The following MAMDC2 variants were observed in gnomAD, a reference collection of about 807,000 sequenced individuals.
MAMDC2 encodes MAM domain containing 2.
MAMDC2 carries 57 observed loss-of-function variants against 89.8 expected under a neutral mutation model. The observed-to-expected ratio is 0.63, with a 90% confidence interval of 0.51 to 0.79. The LOEUF is 0.79. Among genes scored for constraint, MAMDC2 ranks in the 30% least tolerant of loss-of-function variants. The probability of loss-of-function intolerance (pLI) is 0.00; values close to 1 mark genes in which losing one functional copy is unlikely to be tolerated. For synonymous variants in MAMDC2, 313 were observed against 293.4 expected (o/e 1.07, Z -0.68); for missense variants, 800 against 820.6 (o/e 0.97, Z 0.31).
chr9:70,150,262 A>G (rs2031542537), intron 9 of MAMDC2, among the ~76,000 whole-genome samples: 1 of 152,154 alleles, frequency 6.6e-6, no homozygotes, highest in African/African-American at 2.4e-5. Context: ...GTCACAGAGC[A>G]CCCAAATAAG....
chr9:70,080,160 C>T (rs967246396), intron 2 of MAMDC2, among the ~76,000 whole-genome samples: 3 of 152,158 alleles, frequency 2.0e-5, no homozygotes, highest in Admixed American at 2.0e-4. Context: ...GGATAAATGA[C>T]TAATTAATAG....
chr9:70,112,734 A>C (rs1348321539), intron 4 of MAMDC2, among the ~76,000 whole-genome samples: 1 of 152,188 alleles, frequency 6.6e-6, no homozygotes, highest in Admixed American at 6.5e-5. Flanking sequence ...GGCTACAAAA[A>C]GTGGTAAGTC....
chr9:70,226,198 CT>C lies in MAMDC2; in HGVS notation c.*173del, dbSNP rs746951372. The C allele has an allele frequency of 6.7e-6, 3 of 448,212 alleles. No homozygotes were observed. The highest frequency in any genetic ancestry group is 8.0e-6 in the Non-Finnish European group (2 of 249,050). 27.8% of individuals were successfully genotyped at this position (448,212 alleles called of 1,614,324 possible). A position where few individuals can be genotyped will look rare whatever the true frequency, so the allele number is the denominator to read the frequency against. On this transcript the variant is annotated 3_prime_UTR_variant, in exon 14 of 14. Coordinates refer to ENST00000377182, the MANE Select transcript of MAMDC2 (RefSeq NM_153267.5). Reference sequence around the variant, plus strand: ...TGCAAAAACATACTGACTCAGGGCTCTTTTTTTCTTTTTGCATATGACAACT... The same window carrying C: ...TGCAAAAACATACTGACTCAGGGCTCTTTTTTCTTTTTGCATATGACAACT...
chr9:70,212,427 C>T (rs1355195624), intron 11 of MAMDC2, among the ~76,000 whole-genome samples: 2 of 152,264 alleles, frequency 1.3e-5, no homozygotes, highest in Admixed American at 6.5e-5. Context: ...CCCTCTGAGC[C>T]AGGCACGGGA....
intron 6 of MAMDC2, among the ~76,000 whole-genome samples, chr9:70,129,507 G>C (rs2030703860): frequency 6.6e-6 from 1 of 152,130 alleles, no homozygotes; most frequent in Non-Finnish European, 1.5e-5. Flanking sequence ...TAGCTAATAA[G>C]TGATGAAAAT....
chr9:70,149,045 A>AATT (rs1554675839), intron 9 of MAMDC2, among the ~76,000 whole-genome samples: 1 of 95,830 alleles, frequency 1.0e-5, no homozygotes, highest in African/African-American at 4.1e-5. Context: ...AAAAAAAAAA[A>AATT]TTTTTTTTTT....
At chr9:70,044,291 C>T in intron 1 of MAMDC2, 60 bp downstream of exon 1, 1 of 1,567,510 alleles carries the variant, frequency 6.4e-7, no homozygotes, top group Non-Finnish European at 8.7e-7. Context: ...CCCGCTCCTG[C>T]TGCCCCCGGG....
chr9:70,215,899 ATAGAACTTCTC>A (rs2033437326), intron 11 of MAMDC2, among the ~76,000 whole-genome samples: 1 of 152,202 alleles, frequency 6.6e-6, no homozygotes, highest in African/African-American at 2.4e-5. Flanking sequence ...TAATAAACTT[ATAGAACTTCTC>A]AGATTTGTGT....
chr9:70,143,600 C>T lies in MAMDC2; in HGVS notation c.1185C>T (p.Tyr395=), dbSNP rs749347747. The T allele has an allele frequency of 1.9e-6, 3 of 1,614,042 alleles. No homozygotes were observed. The highest frequency in any genetic ancestry group is 2.7e-5 in the African/African-American group (2 of 74,922). ...ANTKFTSQPG[Y]IGRLYGPSLP... is the part of the protein sequence containing the mutation. ...CAAAGTTCACATCTCAGCCTGGCTA[C>T]ATTGGAAGGCTCTATGGGCCCTCCC... The change falls in exon 9 of 14, where the codon TAC becomes TAT. Residue 395 remains tyrosine, a synonymous_variant. Transcript: ENST00000377182.
At chr9:70,064,566 G>GGT (rs142468376) in intron 2 of MAMDC2, among the ~76,000 whole-genome samples, 2 of 151,978 alleles carry the variant, frequency 1.3e-5, no homozygotes, top group Non-Finnish European at 2.9e-5. Context: ...AAAGAGAAGG[G>GGT]GTGTGTGTGT....
chr9:70,082,339 C>T (rs1049846406), intron 2 of MAMDC2, among the ~76,000 whole-genome samples: 7 of 152,088 alleles, frequency 4.6e-5, no homozygotes, highest in African/African-American at 1.7e-4. Flanking sequence ...ATGTAAGCTA[C>T]AGAAATCTCT....
At chr9:70,061,977 C>G (rs976372164) in intron 2 of MAMDC2, among the ~76,000 whole-genome samples, 1 of 152,146 alleles carries the variant, frequency 6.6e-6, no homozygotes, top group Non-Finnish European at 1.5e-5. Flanking sequence ...TGGGATTCAG[C>G]TGTAATGGGA....
chr9:70,199,878 G>A (rs1371957404), intron 11 of MAMDC2, among the ~76,000 whole-genome samples: 58 of 151,008 alleles, frequency 3.8e-4, no homozygotes, highest in Non-Finnish European at 2.2e-4. Flanking sequence ...CATGTCCTTC[G>A]CCCACTTTTT....
Position 70,221,380 on chromosome 9 carries a change from T to TATATATATAG in MAMDC2, c.1911+2785_1911+2786insTATATATAGA. Among the ~76,000 whole-genome samples the TATATATATAG allele has an allele frequency of 8.5e-3, 60 of 7,030 alleles. 4 individuals carry two copies. The highest frequency in any genetic ancestry group is 0.031 in the South Asian group (2 of 64). 4.6% of individuals were successfully genotyped at this position (7,030 alleles called of 152,430 possible). ...AAATATATATATATATATATATATA[T>TATATATATAG]AGAGAGAGAGAGAGAGAGAGAGAGA... On this transcript the variant is annotated intron_variant, in intron 12 of 13. Coordinates refer to ENST00000377182, the MANE Select transcript of MAMDC2 (RefSeq NM_153267.5).
At chr9:70,220,595 G>C (rs909605583) in intron 12 of MAMDC2, among the ~76,000 whole-genome samples, 1 of 152,190 alleles carries the variant, frequency 6.6e-6, no homozygotes, top group Non-Finnish European at 1.5e-5. Flanking sequence ...AGAGCTGTAC[G>C]TAAGTTCTTT....
chr9:70,207,188 C>T (rs2033244094), intron 11 of MAMDC2, among the ~76,000 whole-genome samples: 3 of 152,314 alleles, frequency 2.0e-5, no homozygotes, highest in Admixed American at 2.0e-4. Flanking sequence ...AGTTCTAGAT[C>T]CTTAAGGAAT....
chr9:70,073,720 C>A (rs1587445883), intron 2 of MAMDC2, among the ~76,000 whole-genome samples: 2 of 152,308 alleles, frequency 1.3e-5, no homozygotes, highest in East Asian at 3.9e-4. Context: ...AACCATGAAT[C>A]TCATCTCACC....
intron 11 of MAMDC2, chr9:70,194,276 G>C (rs2032937201): frequency 6.6e-6 from 1 of 152,048 alleles, no homozygotes; most frequent in African/African-American, 2.4e-5. Flanking sequence ...GCTATGATTT[G>C]AATGTGTCTC....
chr9:70,134,530 C>G (rs558697973), intron 7 of MAMDC2, among the ~76,000 whole-genome samples: 2 of 152,054 alleles, frequency 1.3e-5, no homozygotes, highest in South Asian at 4.2e-4. Flanking sequence ...ATATGCAGAC[C>G]CAATCTCCTT....
Sources: gnomAD v4.1 joint callset for allele counts (sites outside exome capture counted in the v4.1 genomes callset) on GRCh38, gnomAD v4.1.1 for gene constraint, MANE v1.5 for transcripts, NCBI Gene and HGNC (gene_info 2026-07-23, HGNC 2026-07-21) for gene names.